Variants in FBXL17 observed in about 807,000 individuals in gnomAD.
FBXL17 encodes the protein F-box/LRR-repeat protein 17.
In FBXL17, 22 loss-of-function variants were observed where a neutral mutation model predicts 66.2. The observed-to-expected ratio is 0.33, with a 90% CI of 0.24 to 0.47. The LOEUF is 0.47. Among genes scored for constraint, FBXL17 ranks in the 20% least tolerant of loss-of-function variants. The pLI, the probability that FBXL17 is intolerant of heterozygous loss-of-function variation, is 1.00. For missense variants in FBXL17, 878 were observed against 948.2 expected, an observed-to-expected ratio of 0.93 and a Z score of 0.97; for synonymous variants, 474 against 400.5, an observed-to-expected ratio of 1.18 and a Z score of -2.19.
Position 108,297,346 on chromosome 5 carries a change from A to C in FBXL17, c.1506+51053T>G, listed in dbSNP as rs754052539. Among the ~76,000 whole-genome samples, 49 of 151,774 alleles carry C rather than the reference A, an allele frequency of 3.2e-4. 1 individual carries two copies. The highest frequency in any genetic ancestry group is 5.8e-4 in the Non-Finnish European group (39 of 67,698). On this transcript the variant is annotated intron_variant, in intron 4 of 8. Coordinates refer to ENST00000542267, the MANE Select transcript of FBXL17 (RefSeq NM_001163315.3). ...AGACCTTATTGTGACAAAATTATGTAATATATAGAACCTCAGTAATTAAGG... is the reference window on the plus strand; with the variant it reads ...AGACCTTATTGTGACAAAATTATGTCATATATAGAACCTCAGTAATTAAGG...
intron 1 of FBXL17, among the ~76,000 whole-genome samples, chr5:108,374,276 C>T (rs935488099): frequency 1.2e-4 from 18 of 152,138 alleles, no homozygotes; most frequent in African/African-American, 3.9e-4. Flanking sequence ...TTCTCAAAGA[C>T]CAAAGTCTAA....
At chr5:108,172,382 A>C (rs1012454165) in intron 6 of FBXL17, among the ~76,000 whole-genome samples, 14 of 152,192 alleles carry the variant, frequency 9.2e-5, no homozygotes, top group African/African-American at 3.1e-4. Flanking sequence ...TAGAAGGATA[A>C]AGCAAAAGAC....
At chr5:108,378,066 C>T (rs10477895) in intron 1 of FBXL17, among the ~76,000 whole-genome samples, 129,881 of 152,234 alleles carry the variant, frequency 0.85, 55,702 homozygotes, top group African/African-American at 0.94. Context: ...TTGCCAAAGG[C>T]AAACAACTTG....
At chr5:108,109,436 C>T (rs1271073831) in intron 6 of FBXL17, among the ~76,000 whole-genome samples, 1 of 152,138 alleles carries the variant, frequency 6.6e-6, no homozygotes, top group Non-Finnish European at 1.5e-5. Flanking sequence ...CAGTTTATTA[C>T]CATTAGATCA....
chr5:108,125,375 T>A (rs1282057439), intron 6 of FBXL17, among the ~76,000 whole-genome samples: 1 of 151,868 alleles, frequency 6.6e-6, no homozygotes, highest in Non-Finnish European at 1.5e-5. Context: ...AAAGATGAGA[T>A]AAAGCTACAT....
intron 7 of FBXL17, among the ~76,000 whole-genome samples, chr5:107,967,219 TG>T (rs1403134744): frequency 1.3e-5 from 2 of 152,016 alleles, no homozygotes; most frequent in African/African-American, 4.8e-5. Context: ...AGATTGAGAA[TG>T]ATGTTTCTGT....
At chr5:108,351,907 C>T (rs1430352545) in intron 3 of FBXL17, among the ~76,000 whole-genome samples, 3 of 152,194 alleles carry the variant, frequency 2.0e-5, no homozygotes, top group Non-Finnish European at 4.4e-5. Context: ...GGTTAAGACA[C>T]GTAAATCACA....
intron 7 of FBXL17, among the ~76,000 whole-genome samples, chr5:107,994,336 A>G (rs1753380332): frequency 6.6e-6 from 1 of 152,098 alleles, no homozygotes; most frequent in African/African-American, 2.4e-5. Context: ...TTTCTTGCTA[A>G]TACACTGCTT....
intron 7 of FBXL17, among the ~76,000 whole-genome samples, chr5:107,998,930 C>T (rs1468738324): frequency 6.6e-6 from 1 of 152,182 alleles, no homozygotes; most frequent in Non-Finnish European, 1.5e-5. Flanking sequence ...CCACTCTCAT[C>T]TCAGGTAATT....
intron 6 of FBXL17, among the ~76,000 whole-genome samples, chr5:108,112,936 C>G (rs1158082233): frequency 6.7e-6 from 1 of 149,480 alleles, no homozygotes; most frequent in Admixed American, 6.7e-5. Flanking sequence ...TCTCACTGGT[C>G]CCAAACTTTT....
At chr5:107,938,017 A>G (rs1314314480) in intron 7 of FBXL17, among the ~76,000 whole-genome samples, 1 of 152,174 alleles carries the variant, frequency 6.6e-6, no homozygotes, top group Non-Finnish European at 1.5e-5. Flanking sequence ...TTTCATCAGC[A>G]TCACATGTGA....
intron 7 of FBXL17, among the ~76,000 whole-genome samples, chr5:108,000,465 GGAA>G (rs1439487121): frequency 5.9e-5 from 9 of 152,094 alleles, no homozygotes; most frequent in African/African-American, 2.2e-4. Context: ...ACTCTACCAA[GGAA>G]AATCCAGTCT....
chr5:108,309,926 A>G (rs936202977), intron 4 of FBXL17, among the ~76,000 whole-genome samples: 3 of 152,156 alleles, frequency 2.0e-5, no homozygotes, highest in African/African-American at 7.2e-5. Context: ...AATATTCTAT[A>G]TTCAATAGTT....
chr5:108,230,900 C>T (rs1242624960), intron 4 of FBXL17, among the ~76,000 whole-genome samples: 1 of 151,804 alleles, frequency 6.6e-6, no homozygotes, highest in Non-Finnish European at 1.5e-5. Context: ...AACGAACTTA[C>T]AAATGTAACC....
chr5:108,223,491 T>C (rs1300067852), intron 5 of FBXL17, among the ~76,000 whole-genome samples: 2 of 143,246 alleles, frequency 1.4e-5, no homozygotes, highest in African/African-American at 6.1e-5. Flanking sequence ...GTAAATTTTA[T>C]AGTAGCCAGC....
At chr5:108,102,646 C>G (rs1245614257) in intron 6 of FBXL17, among the ~76,000 whole-genome samples, 2 of 152,150 alleles carry the variant, frequency 1.3e-5, no homozygotes, top group Non-Finnish European at 2.9e-5. Context: ...CTTTTGGCTT[C>G]TCTTTTGTTT....
At chr5:108,221,777 A>T (rs1754876475) in intron 5 of FBXL17, among the ~76,000 whole-genome samples, 1 of 152,186 alleles carries the variant, frequency 6.6e-6, no homozygotes, top group Non-Finnish European at 1.5e-5. Context: ...TCATAAAATA[A>T]AAAGCATTAA....
intron 7 of FBXL17, among the ~76,000 whole-genome samples, chr5:107,998,613 G>T (rs1401063822): frequency 6.6e-6 from 1 of 151,526 alleles, no homozygotes; most frequent in Non-Finnish European, 1.5e-5. Context: ...CACTGATAAG[G>T]TGTCACCAGA....
At chr5:108,255,968 A>G (rs1756560053) in intron 4 of FBXL17, among the ~76,000 whole-genome samples, 1 of 152,202 alleles carries the variant, frequency 6.6e-6, no homozygotes, top group Admixed American at 6.5e-5. Flanking sequence ...AGAAACAGAT[A>G]AAGGTCTAGA....
Sources: gnomAD v4.1 joint callset for allele counts (sites outside exome capture counted in the v4.1 genomes callset) on GRCh38, gnomAD v4.1.1 for gene constraint, MANE v1.5 for transcripts, NCBI Gene and HGNC (gene_info 2026-07-23, HGNC 2026-07-21) for gene names.